The following NUMA1 variants were observed in gnomAD, a reference collection of about 807,000 sequenced individuals.
The protein encoded by NUMA1 is nuclear mitotic apparatus protein 1.
Under a neutral mutation model 237.1 loss-of-function variants are expected in NUMA1, and 62 were observed. The ratio of observed to expected loss-of-function variants is 0.26; its 90% confidence interval spans 0.21 to 0.32. The LOEUF (loss-of-function observed/expected upper bound fraction) is 0.32, where lower values mean the gene tolerates loss of function less well. NUMA1 is among the 10% of genes least tolerant of loss of function. The probability of loss-of-function intolerance (pLI) is 1.00; values close to 1 mark genes in which losing one functional copy is unlikely to be tolerated. For synonymous variants in NUMA1, 1,028 were observed against 1,066.1 expected (o/e 0.96, Z 0.70); for missense variants, 2,533 against 2,666.5 (o/e 0.95, Z 1.10).
chr11:72,012,212 G>A (rs1478374964), intron 16 of NUMA1, 189 bp downstream of exon 16: 2 of 584,176 alleles, frequency 3.4e-6, no homozygotes, highest in African/African-American at 3.7e-5. Flanking sequence ...GGATGGGTGG[G>A]ATGAGGCCTG....
intron 2 of NUMA1, among the ~76,000 whole-genome samples, chr11:72,042,574 G>A (rs111372137): frequency 2.0e-5 from 3 of 152,302 alleles, no homozygotes; most frequent in Admixed American, 1.3e-4. Context: ...AAAGCAGAGA[G>A]GAGGCATGGA....
Position 72,004,079 on chromosome 11 carries a change from C to A in NUMA1, c.6144G>T (p.Met2048Ile), listed in dbSNP as rs1955484989. The change falls in exon 26 of 27, where the codon ATG (methionine) becomes ATT (isoleucine). Residue 2048 changes from methionine (M) to isoleucine (I), a missense_variant. Around this residue, in one of 3 missense-constraint regions of NUMA1, gnomAD observed 795 missense variants for 750.8 expected, o/e 1.06. Coordinates refer to ENST00000393695, the MANE Select transcript of NUMA1 (RefSeq NM_006185.4). ...STKQADRRQS[M>I]AFSILNTPKK... The stretch of plus-strand genomic sequence containing the variant: ...TGGGTGTGTTGAGGATGCTGAAGGC[C>A]ATCGACTGGCGCCGGTCAGCCTGCA... 1.2e-6 allele frequency: 2 copies of A among 1,612,974 alleles called. No homozygotes were observed.
At chr11:72,018,099 A>G (rs1565222394) in intron 12 of NUMA1, 84 bp downstream of exon 12, 1 of 1,078,948 alleles carries the variant, frequency 9.3e-7, no homozygotes, top group Admixed American at 1.7e-5. Flanking sequence ...GTGCTGGGAC[A>G]TTCTTCTCAA....
rs1491065992 is a variant in NUMA1, at chr11:72,077,828, AAC to A, written c.-103+2628_-103+2629del. ...GACTCCATCTCAAAAAAAAAAAAAA[AAC>A]AAAAAACTGAAAGTGAAATAAAGAT... On this transcript the variant is annotated intron_variant, in intron 1 of 26. Coordinates refer to ENST00000393695, the MANE Select transcript of NUMA1 (RefSeq NM_006185.4). Among the ~76,000 whole-genome samples the A allele has an allele frequency of 3.1e-4, 47 of 150,388 alleles. 5 individuals are homozygous for A. The highest frequency in any genetic ancestry group is 9.8e-4 in the African/African-American group (40 of 40,898).
chr11:72,046,415 A>G (rs1307101339), intron 2 of NUMA1, among the ~76,000 whole-genome samples: 7 of 152,032 alleles, frequency 4.6e-5, no homozygotes, highest in Non-Finnish European at 5.9e-5. Flanking sequence ...GTGGTGGCGC[A>G]TGCCTGTAAT....
chr11:72,021,373 G>T, intron 7 of NUMA1, 82 bp from the exon 8 acceptor site: 1 of 1,244,256 alleles, frequency 8.0e-7, no homozygotes, highest in Non-Finnish European at 1.2e-6. Flanking sequence ...CCCTGGCAGT[G>T]CCAGTCCCCG....
chr11:72,012,761 T>C, intron 15 of NUMA1, 134 bp downstream of exon 15: 1 of 1,317,702 alleles, frequency 7.6e-7, no homozygotes, highest in Non-Finnish European at 1.0e-6. Flanking sequence ...CCACCTCTCC[T>C]TTTCTGCCAC....
chr11:72,076,760 G>C (rs917569458), intron 1 of NUMA1: 1 of 152,048 alleles, frequency 6.6e-6, no homozygotes, highest in African/African-American at 2.4e-5. Context: ...ACTCCAGCCT[G>C]GAGAATAAGA....
intron 2 of NUMA1, among the ~76,000 whole-genome samples, chr11:72,051,144 C>T (rs1157573855): frequency 6.6e-6 from 1 of 152,158 alleles, no homozygotes; most frequent in Non-Finnish European, 1.5e-5. Context: ...CTGCATTGAC[C>T]TCCCAAAGTG....
Position 72,008,830 on chromosome 11 carries a change from G to C in NUMA1, c.5074C>G (p.Gln1692Glu), listed in dbSNP as rs372668064. ...SLEAQVAHAD[Q>E]QLRDLGKFQV... ...AATTTGCCCAGGTCTCGAAGCTGCT[G>C]GTCTGCATGGGCAACCTGAGAAGGA... Residue 1692 changes from glutamine to glutamate, a missense_variant, in exon 20 of 27, where the codon CAG becomes GAG. Coordinates refer to ENST00000393695, the MANE Select transcript of NUMA1 (RefSeq NM_006185.4). The C allele has an allele frequency of 2.2e-5, 36 of 1,613,998 alleles. No homozygotes were observed. Among genetic ancestry groups the C allele is most frequent in the Non-Finnish European group, 3.1e-5 (36 of 1,180,032 alleles).
intron 2 of NUMA1, chr11:72,047,845 T>C (rs1476944076): frequency 1.3e-5 from 2 of 152,140 alleles, no homozygotes; most frequent in Non-Finnish European, 2.9e-5. Context: ...TTTTGTTTAT[T>C]TTACTTTATT....
At chr11:72,067,921 A>C (rs964993001) in intron 2 of NUMA1, 1 of 152,252 alleles carries the variant, frequency 6.6e-6, no homozygotes, top group African/African-American at 2.4e-5. Context: ...CAATATAATC[A>C]GCTTAATTTG....
At chr11:72,028,295 C>T (rs1220564848) in intron 4 of NUMA1, among the ~76,000 whole-genome samples, 1 of 152,084 alleles carries the variant, frequency 6.6e-6, no homozygotes, top group Non-Finnish European at 1.5e-5. Flanking sequence ...CTTTCCCTAT[C>T]AATGAGCTGT....
chr11:72,015,018 C>G lies in NUMA1; in HGVS notation c.2485G>C (p.Ala829Pro). The part of the protein sequence containing the change: ...DSQQEEAQYG[A>P]MFQEQLMTLK... ...GTCATCAGCTGTTCCTGGAACATGG[C>G]GCCATACTGTGCCTCCTCTTGCTGG... Residue 829 changes from alanine to proline, a missense_variant, in exon 15 of 27, where the codon GCC (alanine) becomes CCC (proline). Physicochemically the swap from Ala to Pro is conservative, Grantham distance 27. Transcript: ENST00000393695. The surrounding 1 kb of genome is among the most constrained non-coding windows in gnomAD (Gnocchi z 4.0). The G allele has an allele frequency of 1.2e-6, 2 of 1,614,124 alleles. No homozygotes were observed. The highest frequency in any genetic ancestry group is 1.7e-6 in the Non-Finnish European group (2 of 1,180,054).
rs528980398 is a variant in NUMA1 at position 72,014,966 on chromosome 11, C to T, written c.2537G>A (p.Arg846His). The change falls in exon 15 of 27, where the codon CGC (arginine) becomes CAC (histidine). Residue 846 changes from arginine to histidine, a missense_variant. Arg to His is a conservative substitution (Grantham distance 29, BLOSUM62 0). This residue lies in a region of NUMA1 where 1,414 missense variants were observed against 1,508.1 expected (regional missense o/e 0.94). Coordinates refer to ENST00000393695, the MANE Select transcript of NUMA1 (RefSeq NM_006185.4). This position sits in a 1 kb window ranked among gnomAD's most constrained non-coding sequence, Gnocchi z 4.6. ...CTCCTTTGCCTCCTGCAGCTCCTGG[C>T]GGGCCTTCTCACATTCCTCCTTCAA... ...MTLKEECEKA[R>H]QELQEAKEKV... 106 of 1,613,992 alleles carry T rather than the reference C, an allele frequency of 6.6e-5. No individual in the cohort carries two copies. The highest frequency in any genetic ancestry group is 2.0e-4 in the South Asian group (18 of 91,094).
At chr11:72,031,258 G>A (rs2135564000) in intron 3 of NUMA1, among the ~76,000 whole-genome samples, 1 of 151,548 alleles carries the variant, frequency 6.6e-6, no homozygotes, top group East Asian at 1.9e-4. Flanking sequence ...AGCTATGATA[G>A]TGTCCCTGCA....
At chr11:72,025,172 G>C (rs553053199) in intron 4 of NUMA1, among the ~76,000 whole-genome samples, 1 of 152,216 alleles carries the variant, frequency 6.6e-6, no homozygotes, top group Admixed American at 6.5e-5. Flanking sequence ...TTACAGGCTG[G>C]AGCCACTGCG....
intron 2 of NUMA1, among the ~76,000 whole-genome samples, chr11:72,037,500 C>T (rs1034115624): frequency 7.3e-5 from 11 of 151,384 alleles, no homozygotes; most frequent in East Asian, 5.8e-4. Flanking sequence ...AGCGAGACTC[C>T]GTCTCAAAAA....
chr11:72,072,939 G>T (rs1425577985), intron 1 of NUMA1, among the ~76,000 whole-genome samples: 1 of 151,036 alleles, frequency 6.6e-6, no homozygotes, highest in African/African-American at 2.4e-5. Flanking sequence ...CTACTCGGGA[G>T]GGGAGGCTGA....
Sources: gnomAD v4.1 joint callset for allele counts (sites outside exome capture counted in the v4.1 genomes callset) on GRCh38, gnomAD v4.1.1 for gene constraint, gnomAD v4.1.1 regional missense constraint, Gnocchi (gnomAD v3.1) non-coding constraint, MANE v1.5 for transcripts, NCBI Gene and HGNC (gene_info 2026-07-23, HGNC 2026-07-21) for gene names.